KIAA1549L: variants seen among roughly 807,000 people sequenced by gnomAD.
KIAA1549L encodes the protein KIAA1549 like, also known as UPF0606 protein KIAA1549L.
In KIAA1549L, 88 loss-of-function variants were observed where a neutral mutation model predicts 160.7. The observed-to-expected ratio is 0.55, with a 90% CI of 0.46 to 0.65. KIAA1549L has a LOEUF of 0.65. Among genes scored for constraint, KIAA1549L ranks in the 30% least tolerant of loss-of-function variants. The pLI is 0.00. For synonymous variants in KIAA1549L, 950 were observed against 976.7 expected, an observed-to-expected ratio of 0.97 and a Z score of 0.51; for missense variants, 2,258 against 2,437.5, an observed-to-expected ratio of 0.93 and a Z score of 1.55.
At chr11:33,596,302 T>G (rs891251267) in intron 12 of KIAA1549L, among the ~76,000 whole-genome samples, 1 of 152,238 alleles carries the variant, frequency 6.6e-6, no homozygotes, top group Non-Finnish European at 1.5e-5. Flanking sequence ...CCTGTAAATG[T>G]GTCTATAAAC....
At chr11:33,550,467 C>T (rs1043591794) in intron 4 of KIAA1549L, among the ~76,000 whole-genome samples, 2 of 152,100 alleles carry the variant, frequency 1.3e-5, no homozygotes, top group East Asian at 1.9e-4. Flanking sequence ...CCATCAGTGT[C>T]CCCTAGGATT....
Position 33,543,157 on chromosome 11 carries a change from G to A in KIAA1549L, c.1594G>A (p.Asp532Asn). The change falls in exon 2 of 21, where the codon GAT becomes AAT. Residue 532 changes from aspartate (D) to asparagine (N), a missense_variant. This residue lies in a region of KIAA1549L where 540 missense variants were observed against 465.7 expected (regional missense o/e 1.16). Transcript: ENST00000658780. ...GCCCACTCTTCCAGCAGAGGGCAGT[G>A]ATGGGTCCCCTCCTGCAACTAGAGA... ...EMPTLPAEGS[D>N]GSPPATRDLL... 1 of 1,613,858 alleles carries A rather than the reference G, an allele frequency of 6.2e-7. No homozygotes were observed.
chr11:33,642,661 A>AGAATGAGTCAGGGTGGAGCAGGTAATCG (rs879385304), intron 16 of KIAA1549L, among the ~76,000 whole-genome samples: 7 of 149,988 alleles, frequency 4.7e-5, no homozygotes, highest in African/African-American at 1.5e-4. Flanking sequence ...GTAGGTAATC[A>AGAATGAGTCAGGGTGGAGCAGGTAATCG]GAATGAGTCA....
chr11:33,430,041 T>TTCCTTCCTTCCTC (rs1554976200), intron 1 of KIAA1549L, among the ~76,000 whole-genome samples: 1 of 140,388 alleles, frequency 7.1e-6, no homozygotes, highest in East Asian at 2.1e-4. Flanking sequence ...CTTCCTTCCT[T>TTCCTTCCTTCCTC]CCTTCCTCCC....
At chr11:33,432,102 T>C (rs528054082) in intron 1 of KIAA1549L, among the ~76,000 whole-genome samples, 2 of 152,294 alleles carry the variant, frequency 1.3e-5, no homozygotes, top group African/African-American at 4.8e-5. Context: ...CTGCACGCAG[T>C]CCCGGTTCCC....
At chr11:33,486,091 C>T (rs1852519356) in intron 1 of KIAA1549L, among the ~76,000 whole-genome samples, 1 of 152,180 alleles carries the variant, frequency 6.6e-6, no homozygotes, top group Admixed American at 6.5e-5. Flanking sequence ...CATGGAAGTG[C>T]AGGTATCTCC....
chr11:33,634,099 G>A (rs902184119), intron 16 of KIAA1549L, among the ~76,000 whole-genome samples: 3 of 147,948 alleles, frequency 2.0e-5, no homozygotes, highest in African/African-American at 7.4e-5. Context: ...CTGGAGTGCA[G>A]TGGCATGATC....
At chr11:33,418,593 G>C (rs952736296) in intron 1 of KIAA1549L, among the ~76,000 whole-genome samples, 1 of 152,186 alleles carries the variant, frequency 6.6e-6, no homozygotes, top group African/African-American at 2.4e-5. Flanking sequence ...AGTTTCATGA[G>C]TTGGATTTAT....
intron 1 of KIAA1549L, among the ~76,000 whole-genome samples, chr11:33,427,465 T>C (rs1197437089): frequency 2.6e-5 from 4 of 152,170 alleles, no homozygotes; most frequent in African/African-American, 7.2e-5. Flanking sequence ...CATTTCTCCA[T>C]GTTAGGAAAG....
intron 1 of KIAA1549L, among the ~76,000 whole-genome samples, chr11:33,416,846 T>C (rs1465960898): frequency 6.6e-6 from 1 of 152,210 alleles, no homozygotes; most frequent in Non-Finnish European, 1.5e-5. Flanking sequence ...ATTTTGGTTT[T>C]ACCTTCAGCT....
In KIAA1549L at chr11:33,561,518, G is replaced by A. The variant is rs540490113; in HGVS notation, c.4019-158G>A. 2.6e-5 allele frequency among the ~76,000 whole-genome samples: 4 copies of A among 152,288 alleles called. No homozygotes were observed. The South Asian group carries it at 8.3e-4, about 32-fold the overall frequency. ...GTGCCATAATGCATGTTATAGTCCA[G>A]CTACTCAGGAGGCTTAGGTGCAAGG... is the stretch of plus-strand genomic sequence containing the variant. On this transcript the variant is annotated intron_variant, in intron 7 of 20. Coordinates refer to ENST00000658780, the MANE Select transcript of KIAA1549L (RefSeq NM_012194.3).
intron 1 of KIAA1549L, among the ~76,000 whole-genome samples, chr11:33,435,778 A>G (rs765407663): frequency 0.29 from 5,072 of 17,610 alleles, 725 homozygotes; most frequent in Middle Eastern, 0.4. Context: ...ATATATATAT[A>G]TATATATATA....
intron 1 of KIAA1549L, among the ~76,000 whole-genome samples, chr11:33,423,647 C>T (rs1302325390): frequency 6.6e-6 from 1 of 152,206 alleles, no homozygotes; most frequent in East Asian, 1.9e-4. Flanking sequence ...AAATTTGTTG[C>T]ACCCAGGTCA....
chr11:33,459,969 A>AAAAAAAAAG (rs1400630933), intron 1 of KIAA1549L, among the ~76,000 whole-genome samples: 1 of 148,864 alleles, frequency 6.7e-6, no homozygotes, highest in Non-Finnish European at 1.5e-5. Context: ...TCAAAAAAAA[A>AAAAAAAAAG]AAAAAAAAGA....
chr11:33,539,245 T>C (rs929634599), intron 1 of KIAA1549L, among the ~76,000 whole-genome samples: 3 of 152,228 alleles, frequency 2.0e-5, no homozygotes, highest in East Asian at 3.8e-4. Flanking sequence ...TTGAGAAATA[T>C]TGGCTAAACA....
At chr11:33,636,123 A>T (rs1371945939) in intron 16 of KIAA1549L, among the ~76,000 whole-genome samples, 1 of 152,196 alleles carries the variant, frequency 6.6e-6, no homozygotes, top group East Asian at 1.9e-4. Context: ...TTAGTCACAC[A>T]GTGGTTATTC....
chr11:33,571,008 G>A (rs1191612768), intron 9 of KIAA1549L, among the ~76,000 whole-genome samples: 1 of 152,238 alleles, frequency 6.6e-6, no homozygotes, highest in Admixed American at 6.5e-5. Flanking sequence ...ATCTCGACCA[G>A]GCACAGTGGC....
At chr11:33,479,901 A>C (rs1247829400) in intron 1 of KIAA1549L, among the ~76,000 whole-genome samples, 1 of 152,216 alleles carries the variant, frequency 6.6e-6, no homozygotes, top group Admixed American at 6.5e-5. Flanking sequence ...TCCATTTAAA[A>C]ACTGTGGTAT....
rs1318547862 is a variant in KIAA1549L at position 33,542,735 on chromosome 11, C to G, written c.1172C>G (p.Ala391Gly). ...SGPASTQQIK[A>G]GVPGRVHNGV... The stretch of plus-strand genomic sequence containing the variant: ...CCTGCATCCACCCAGCAGATCAAAG[C>G]TGGGGTGCCTGGAAGAGTGCACAAT... The change falls in exon 2 of 21, where the codon GCT becomes GGT. Residue 391 changes from alanine (A) to glycine (G), a missense_variant. This residue lies in a region of KIAA1549L where 540 missense variants were observed against 465.7 expected (regional missense o/e 1.16). Coordinates refer to ENST00000658780, the MANE Select transcript of KIAA1549L (RefSeq NM_012194.3). The G allele has an allele frequency of 5.0e-6, 8 of 1,613,868 alleles. No individual in the cohort carries two copies. The highest frequency in any genetic ancestry group is 1.3e-5 in the African/African-American group (1 of 74,940).
Sources: gnomAD v4.1 joint callset for allele counts (sites outside exome capture counted in the v4.1 genomes callset) on GRCh38, gnomAD v4.1.1 for gene constraint, gnomAD v4.1.1 regional missense constraint, MANE v1.5 for transcripts, NCBI Gene and HGNC (gene_info 2026-07-23, HGNC 2026-07-21) for gene names.